The following FAM135B variants were observed in gnomAD, a reference collection of about 807,000 sequenced individuals.
FAM135B encodes family with sequence similarity 135 member B.
In FAM135B, 43 loss-of-function variants were observed where a neutral mutation model predicts 127.7. The ratio of observed to expected loss-of-function variants is 0.34; its 90% CI spans 0.26 to 0.43. The LOEUF (loss-of-function observed/expected upper bound fraction) is 0.43. Ranked by LOEUF, FAM135B falls within the 20% of genes least tolerant of loss-of-function variation. The probability of loss-of-function intolerance (pLI) is 1.00; values close to 1 mark genes in which losing one functional copy is unlikely to be tolerated. For synonymous variants in FAM135B, 670 were observed against 665.1 expected, an observed-to-expected ratio of 1.01 and a Z score of -0.11; for missense variants, 1,558 against 1,725.6, an observed-to-expected ratio of 0.90 and a Z score of 1.72.
In FAM135B at chr8:138,372,375, G is replaced by A. The variant is rs140865888; in HGVS notation, c.-19-4373C>T. Among the ~76,000 whole-genome samples the A allele has an allele frequency of 1.8e-3, 273 of 152,314 alleles. 1 individual carries two copies. Among genetic ancestry groups the A allele is most frequent in the African/African-American group, 5.8e-3 (243 of 41,570 alleles). On this transcript the variant is annotated intron_variant, in intron 1 of 19. Coordinates refer to ENST00000395297, the MANE Select transcript of FAM135B (RefSeq NM_015912.4). ...AAACATGCCTAGAGAAGAGGATGGA[G>A]GGAGGGGCAGGATGGGAAGGCCCCT...
intron 1 of FAM135B, among the ~76,000 whole-genome samples, chr8:138,416,661 A>C (rs1235937461): frequency 6.6e-6 from 1 of 152,162 alleles, no homozygotes; most frequent in Non-Finnish European, 1.5e-5. Flanking sequence ...AACAAACATA[A>C]TTCCTATTCC....
chr8:138,185,905 G>A (rs1337180155), intron 9 of FAM135B, among the ~76,000 whole-genome samples: 1 of 152,100 alleles, frequency 6.6e-6, no homozygotes, highest in East Asian at 1.9e-4. Flanking sequence ...TCACAGCAGG[G>A]GTCTTCACCA....
chr8:138,153,728 G>A (rs771646539), intron 12 of FAM135B, among the ~76,000 whole-genome samples: 54 of 152,264 alleles, frequency 3.5e-4, no homozygotes, highest in Non-Finnish European at 6.3e-4. Context: ...AGGCAGCAGC[G>A]AGGCTGGGGG....
intron 1 of FAM135B, among the ~76,000 whole-genome samples, chr8:138,383,415 C>A (rs1831988921): frequency 2.0e-5 from 3 of 152,184 alleles, no homozygotes; most frequent in Admixed American, 2.0e-4. Context: ...CCATCTGGCA[C>A]AAAGGGAATA....
At position 138,242,927 on chromosome 8, in the gene FAM135B, C is replaced by T. The variant is rs771494561; in HGVS notation, c.669+15G>A. ...GTTTGAAAGTTTTGAAGCAACTGCC[C>T]CACACAGGCCTTACCTCTGAGGAAG... On this transcript the variant is annotated intron_variant, in intron 7 of 19. Transcript: ENST00000395297. The surrounding 1 kb of genome is among the most constrained non-coding windows in gnomAD (Gnocchi z 9.6). The T allele has an allele frequency of 1.1e-5, 17 of 1,605,508 alleles. 1 individual carries two copies. In the Admixed American group the frequency reaches 1.4e-4, roughly 13 times the overall value.
At chr8:138,292,683 TG>T (rs2130802314) in intron 3 of FAM135B, among the ~76,000 whole-genome samples, 2 of 152,060 alleles carry the variant, frequency 1.3e-5, no homozygotes, top group African/African-American at 4.8e-5. Context: ...GCCAATGGGG[TG>T]GTAATTATTT....
intron 2 of FAM135B, among the ~76,000 whole-genome samples, chr8:138,329,643 G>T (rs190568512): frequency 6.6e-6 from 1 of 152,260 alleles, no homozygotes; most frequent in East Asian, 1.9e-4. Context: ...TGGCTGAAGT[G>T]AGGAGCAGGT....
rs374151670 is a variant in FAM135B, at chr8:138,385,716, G to T, written c.-19-17714C>A. Among the ~76,000 whole-genome samples the T allele has an allele frequency of 1.2e-4, 19 of 152,216 alleles. No homozygotes were observed. The South Asian group carries it at 3.9e-3, about 32-fold the overall frequency. ...AATCCCAGCTACTCTGGAGGCTGAG[G>T]CAGGAGAATTGCTTGAACCCAGGAG... On this transcript the variant is annotated intron_variant, in intron 1 of 19. Transcript: ENST00000395297.
chr8:138,138,113 AC>A (rs1197184049), intron 18 of FAM135B, among the ~76,000 whole-genome samples: 1 of 152,006 alleles, frequency 6.6e-6, no homozygotes, highest in Non-Finnish European at 1.5e-5. Context: ...CTCCAGGGCC[AC>A]CCCAGCTCCT....
intron 7 of FAM135B, among the ~76,000 whole-genome samples, chr8:138,212,549 A>G (rs1399584113): frequency 6.6e-6 from 1 of 152,218 alleles, no homozygotes; most frequent in Admixed American, 6.5e-5. Flanking sequence ...CTATTTCACA[A>G]TTGGATTTGC....
At chr8:138,284,553 A>G (rs1040539646) in intron 3 of FAM135B, among the ~76,000 whole-genome samples, 1 of 150,536 alleles carries the variant, frequency 6.6e-6, no homozygotes, top group African/African-American at 2.4e-5. Context: ...CCAGGATCCA[A>G]CTCCTTCCAG....
intron 2 of FAM135B, among the ~76,000 whole-genome samples, chr8:138,320,065 C>T (rs569281652): frequency 1.2e-4 from 18 of 152,266 alleles, no homozygotes; most frequent in East Asian, 1.9e-4. Flanking sequence ...ACTCCTCTAG[C>T]GCCTCCACGC....
intron 3 of FAM135B, among the ~76,000 whole-genome samples, chr8:138,276,472 AG>A (rs1009187635): frequency 5.3e-5 from 8 of 152,184 alleles, no homozygotes; most frequent in Non-Finnish European, 8.8e-5. Context: ...ACTGCTGATT[AG>A]GGGAGAACAG....
At chr8:138,370,830 C>A (rs1831066496) in intron 1 of FAM135B, among the ~76,000 whole-genome samples, 1 of 152,166 alleles carries the variant, frequency 6.6e-6, no homozygotes, top group Non-Finnish European at 1.5e-5. Flanking sequence ...AATCTAGAGC[C>A]ATTTGTCTTG....
At chr8:138,269,855 T>G (rs772618940) in intron 3 of FAM135B, among the ~76,000 whole-genome samples, 68 of 152,184 alleles carry the variant, frequency 4.5e-4, no homozygotes, top group South Asian at 1.0e-3. Context: ...GATTTCTTCA[T>G]AGATTGAAGA....
chr8:138,486,471 A>G (rs1337463810), intron 1 of FAM135B, among the ~76,000 whole-genome samples: 2 of 152,106 alleles, frequency 1.3e-5, no homozygotes, highest in Non-Finnish European at 2.9e-5. Context: ...TCTATCACCC[A>G]GTTGATTTTT....
At chr8:138,343,790 A>T (rs547318011) in intron 2 of FAM135B, among the ~76,000 whole-genome samples, 31 of 152,192 alleles carry the variant, frequency 2.0e-4, no homozygotes, top group Non-Finnish European at 3.7e-4. Flanking sequence ...CCTGCCTGAG[A>T]TAAAGAAAAC....
At chr8:138,333,441 GC>G (rs1453381582) in intron 2 of FAM135B, among the ~76,000 whole-genome samples, 3 of 152,096 alleles carry the variant, frequency 2.0e-5, no homozygotes, top group Non-Finnish European at 4.4e-5. Context: ...CTTTGCACAT[GC>G]CACTCCCCTA....
intron 18 of FAM135B, 144 bp downstream of exon 18, chr8:138,138,842 A>G (rs901495944): frequency 2.9e-5 from 17 of 591,314 alleles, no homozygotes; most frequent in South Asian, 1.1e-4. Context: ...TGGCCTCCCA[A>G]TGAGCCAAAG....
Sources: allele counts gnomAD v4.1 joint callset (sites outside exome capture counted in the v4.1 genomes callset), GRCh38; gene constraint gnomAD v4.1.1; non-coding constraint Gnocchi (gnomAD v3.1); transcripts MANE v1.5; gene names NCBI Gene and HGNC (gene_info 2026-07-23, HGNC 2026-07-21).